Variants in KIAA1958 observed in about 807,000 individuals in gnomAD.
KIAA1958 encodes KIAA1958.
In KIAA1958, 14 loss-of-function variants were observed where a neutral mutation model predicts 47.2. That is an observed-to-expected ratio of 0.30 (90% CI 0.20 to 0.46). KIAA1958 has a LOEUF of 0.46. Among genes scored for constraint, KIAA1958 ranks in the 20% least tolerant of loss-of-function variants. The pLI is 1.00. For synonymous variants in KIAA1958, 354 were observed against 353.3 expected (o/e 1.00, Z -0.02); for missense variants, 803 against 909.2 (o/e 0.88, Z 1.50).
intron 2 of KIAA1958, among the ~76,000 whole-genome samples, chr9:112,617,657 A>T (rs80266343): frequency 0.012 from 1,878 of 152,278 alleles, 39 homozygotes; most frequent in African/African-American, 0.041. Flanking sequence ...TTTTGCTTGT[A>T]ATGGGCCATA....
chr9:112,503,376 G>C (rs1413619972), intron 1 of KIAA1958, among the ~76,000 whole-genome samples: 4 of 152,132 alleles, frequency 2.6e-5, no homozygotes, highest in African/African-American at 9.7e-5. Context: ...AGAGCTGGCT[G>C]GTCGCGGTGG....
intron 1 of KIAA1958, among the ~76,000 whole-genome samples, chr9:112,551,980 AT>A (rs1835159187): frequency 6.6e-6 from 1 of 152,192 alleles, no homozygotes; most frequent in Non-Finnish European, 1.5e-5. Flanking sequence ...GTATAGTCTC[AT>A]GTTTCCAGCA....
rs971545743 is a variant in KIAA1958, at chr9:112,489,859, C to T, written c.-25+2741C>T. ...ATTGGTTATCAATGTAGTATCATTA[C>T]AAGAAGCCTAAAATGGCCACTTTAT... is the stretch of plus-strand genomic sequence containing the variant. On this transcript the variant is annotated intron_variant, in intron 1 of 3. Coordinates refer to ENST00000337530, the MANE Select transcript of KIAA1958 (RefSeq NM_133465.4). Among the ~76,000 whole-genome samples, 5 of 152,194 alleles carry T rather than the reference C, an allele frequency of 3.3e-5. No individual in the cohort carries two copies. In the South Asian group the frequency reaches 1.0e-3, roughly 31 times the overall value.
chr9:112,659,925 G>A lies in KIAA1958; in HGVS notation c.2007G>A (p.Glu669=). The change falls in exon 4 of 4, where the codon GAG becomes GAA. Residue 669 remains glutamate, a synonymous_variant. Transcript: ENST00000337530. ...EATDMGSVWY[E]EQRMGLRSLR... is the part of the protein sequence containing the mutation. ...CAGACATGGGCAGCGTGTGGTATGA[G>A]GAGCAGAGGATGGGGCTGCGCTCTC... The A allele has an allele frequency of 1.2e-6, 2 of 1,614,242 alleles. No homozygotes were observed. Among genetic ancestry groups the A allele is most frequent in the Non-Finnish European group, 1.7e-6 (2 of 1,180,030 alleles).
At chr9:112,513,103 T>C (rs1243699916) in intron 1 of KIAA1958, among the ~76,000 whole-genome samples, 2 of 135,546 alleles carry the variant, frequency 1.5e-5, no homozygotes, top group African/African-American at 2.8e-5. Flanking sequence ...CTCCTGGGTT[T>C]AAGCGATTCT....
intron 2 of KIAA1958, among the ~76,000 whole-genome samples, chr9:112,599,728 T>TA (rs1173176923): frequency 6.6e-6 from 1 of 152,212 alleles, no homozygotes; most frequent in East Asian, 1.9e-4. Flanking sequence ...AAGTGAGAGT[T>TA]AAAAAACAAG....
At position 112,621,063 on chromosome 9, in the gene KIAA1958, TTTTC is replaced by T. The variant is rs918057426; in HGVS notation, c.1172-24585_1172-24582del. On this transcript the variant is annotated intron_variant, in intron 2 of 3. Coordinates refer to ENST00000337530, the MANE Select transcript of KIAA1958 (RefSeq NM_133465.4). ...AGTCTGTCATTTCATTCCAGAGTTT[TTTTC>T]TATTTAAGTTTCTCAGTACCAGCTC... Among the ~76,000 whole-genome samples the T allele has an allele frequency of 4.1e-4, 32 of 78,400 alleles. No homozygotes were observed. The East Asian group carries it at 9.4e-3, about 23-fold the overall frequency. 51.4% of individuals were successfully genotyped at this position (78,400 alleles called of 152,430 possible). A position where few individuals can be genotyped will look rare whatever the true frequency, so the allele number is the denominator to read the frequency against.
chr9:112,496,875 T>G (rs1336304894), intron 1 of KIAA1958, among the ~76,000 whole-genome samples: 1 of 152,232 alleles, frequency 6.6e-6, no homozygotes, highest in Non-Finnish European at 1.5e-5. Flanking sequence ...TTTTCTCCCT[T>G]CATCTGACCA....
intron 2 of KIAA1958, chr9:112,617,855 C>G (rs748812780): frequency 3.3e-6 from 5 of 1,536,278 alleles, no homozygotes; most frequent in South Asian, 2.4e-5. Flanking sequence ...ATCCCTCCCC[C>G]CCCAATTTGT....
At chr9:112,656,831 A>G (rs2131252172) in intron 3 of KIAA1958, among the ~76,000 whole-genome samples, 1 of 152,208 alleles carries the variant, frequency 6.6e-6, no homozygotes, top group African/African-American at 2.4e-5. Context: ...ACAATTGTTC[A>G]GGTTATCTAG....
At chr9:112,598,942 T>C (rs1836081788) in intron 2 of KIAA1958, among the ~76,000 whole-genome samples, 5 of 151,964 alleles carry the variant, frequency 3.3e-5, no homozygotes, top group Admixed American at 3.3e-4. Context: ...ATTCGCTGGG[T>C]GCAGTAGCGT....
intron 1 of KIAA1958, among the ~76,000 whole-genome samples, chr9:112,572,826 AG>A (rs1333723438): frequency 1.3e-5 from 2 of 152,238 alleles, no homozygotes; most frequent in Non-Finnish European, 2.9e-5. Flanking sequence ...AGTATGTTAA[AG>A]GATTTGAACT....
intron 3 of KIAA1958, among the ~76,000 whole-genome samples, chr9:112,651,704 T>C (rs1241752976): frequency 6.6e-6 from 1 of 151,558 alleles, no homozygotes; most frequent in African/African-American, 2.4e-5. Flanking sequence ...CCAAATTAAA[T>C]TATAAATTAA....
Position 112,543,567 on chromosome 9 carries a change from C to CT in KIAA1958, c.-24-30468dup, listed in dbSNP as rs138422704. 2.5e-3 allele frequency among the ~76,000 whole-genome samples: 273 copies of CT among 108,158 alleles called. 2 individuals are homozygous for CT. Among genetic ancestry groups the CT allele is most frequent in the Admixed American group, 0.018 (192 of 10,488 alleles). The allele number at this position is 108,158 out of a possible 152,430, so 71.0% of individuals were successfully genotyped here. A position where few individuals can be genotyped will look rare whatever the true frequency, so the allele number is the denominator to read the frequency against. On this transcript the variant is annotated intron_variant, in intron 1 of 3. Transcript: ENST00000337530. ...ACTTTACCATTGAGCTTCTGAGCTT[C>CT]TTTTTTTTTTTTTTTTTTTTTTGAG...
intron 1 of KIAA1958, among the ~76,000 whole-genome samples, chr9:112,543,226 G>GTTGTTTGT (rs61382078): frequency 0.19 from 27,951 of 150,890 alleles, 2,757 homozygotes; most frequent in Middle Eastern, 0.27. Flanking sequence ...TTTTGTTGTT[G>GTTGTTTGT]TTGTTTGTTT....
intron 2 of KIAA1958, among the ~76,000 whole-genome samples, chr9:112,631,697 A>G (rs968608736): frequency 1.3e-5 from 2 of 152,200 alleles, no homozygotes; most frequent in African/African-American, 4.8e-5. Flanking sequence ...TTACCTATAG[A>G]TAAGAACGTT....
intron 2 of KIAA1958, among the ~76,000 whole-genome samples, chr9:112,583,808 T>TGGACTGGAAGAAAA (rs1554725915): frequency 6.6e-6 from 1 of 152,214 alleles, no homozygotes; most frequent in African/African-American, 2.4e-5. Context: ...ACACCCCAGA[T>TGGACTGGAAGAAAA]ACACAGTAGT....
At chr9:112,492,445 C>G (rs1833985613) in intron 1 of KIAA1958, among the ~76,000 whole-genome samples, 1 of 152,266 alleles carries the variant, frequency 6.6e-6, no homozygotes, top group African/African-American at 2.4e-5. Flanking sequence ...TCTGAGGTAC[C>G]AGGGTTTAGG....
At position 112,574,238 on chromosome 9, in the gene KIAA1958, GC is replaced by G; in HGVS notation, c.160del (p.His54MetfsTer7). On this transcript the variant is annotated frameshift_variant, in exon 2 of 4. Coordinates refer to ENST00000337530, the MANE Select transcript of KIAA1958 (RefSeq NM_133465.4). LOFTEE classifies it high-confidence loss of function. ...NLTAMWGCSA[G>X]HAYHWPLTAT... is the part of the protein sequence containing the mutation. ...ACAGCAATGTGGGGCTGTAGTGCTG[GC>G]CATGCTTATCACTGGCCACTAACAG... The G allele has an allele frequency of 6.2e-7, 1 of 1,614,130 alleles. No individual in the cohort carries two copies. The highest frequency in any genetic ancestry group is 8.5e-7 in the Non-Finnish European group (1 of 1,180,012).
Sources: gnomAD v4.1 joint callset for allele counts (sites outside exome capture counted in the v4.1 genomes callset) on GRCh38, gnomAD v4.1.1 for gene constraint, MANE v1.5 for transcripts, NCBI Gene and HGNC (gene_info 2026-07-23, HGNC 2026-07-21) for gene names.